RBFOX1: variants seen among roughly 807,000 people sequenced by gnomAD.
The protein encoded by RBFOX1 is RNA binding protein fox-1 homolog 1.
Under a neutral mutation model 57.7 loss-of-function variants are expected in RBFOX1, and 8 were observed. The ratio of observed to expected loss-of-function variants is 0.14; its 90% CI spans 0.08 to 0.25. The LOEUF (loss-of-function observed/expected upper bound fraction) is 0.25, where lower values mean the gene tolerates loss of function less well. Among genes scored for constraint, RBFOX1 ranks in the 10% least tolerant of loss-of-function variants. The pLI, the probability that RBFOX1 is intolerant of heterozygous loss-of-function variation, is 1.00. For missense variants in RBFOX1, 611 were observed against 548.5 expected (o/e 1.11, Z -1.14); for synonymous variants, 326 against 222.4 (o/e 1.47, Z -4.15).
Position 7,672,865 on chromosome 16 carries a change from C to CAAAAAAAAAAAAAAAA in RBFOX1, c.931-3901_931-3886dup, listed in dbSNP as rs56693228. On this transcript the variant is annotated intron_variant, in intron 13 of 15. Transcript: ENST00000550418. The stretch of plus-strand genomic sequence containing the variant: ...CTGGGTGACAGAGAAGACTCCATCT[C>CAAAAAAAAAAAAAAAA]AAAAAAAAAAAAAAAAAAAAAAAGA... Among the ~76,000 whole-genome samples, 93 of 42,872 alleles carry CAAAAAAAAAAAAAAAA rather than the reference C, an allele frequency of 2.2e-3. 12 individuals are homozygous for CAAAAAAAAAAAAAAAA. The highest frequency in any genetic ancestry group is 5.9e-3 in the African/African-American group (43 of 7,318). 28.1% of individuals were successfully genotyped at this position (42,872 alleles called of 152,430 possible). A position where few individuals can be genotyped will look rare whatever the true frequency, so the allele number is the denominator to read the frequency against.
chr16:5,793,728 T>G (rs1488689869), intron 3 of RBFOX1, among the ~76,000 whole-genome samples: 2 of 152,242 alleles, frequency 1.3e-5, no homozygotes, highest in African/African-American at 4.8e-5. Context: ...AGCCTGGATC[T>G]ATGTACATGT....
At chr16:7,571,157 A>G (rs1198165559) in intron 5 of RBFOX1, among the ~76,000 whole-genome samples, 1 of 152,072 alleles carries the variant, frequency 6.6e-6, no homozygotes, top group African/African-American at 2.4e-5. Flanking sequence ...GCAAATCACC[A>G]TGGCACACGT....
chr16:7,236,646 G>T (rs988103550), intron 4 of RBFOX1, among the ~76,000 whole-genome samples: 1 of 152,036 alleles, frequency 6.6e-6, no homozygotes, highest in Non-Finnish European at 1.5e-5. Context: ...AAGTCTATGT[G>T]GCTTTTAGTA....
chr16:6,981,341 C>G (rs769529814), intron 3 of RBFOX1, among the ~76,000 whole-genome samples: 6 of 152,116 alleles, frequency 3.9e-5, no homozygotes, highest in Admixed American at 3.9e-4. Context: ...TTATTTAGCT[C>G]CTACTTTACT....
At chr16:5,737,904 C>G (rs180724575) in intron 3 of RBFOX1, among the ~76,000 whole-genome samples, 3 of 152,036 alleles carry the variant, frequency 2.0e-5, no homozygotes, top group Non-Finnish European at 4.4e-5. Context: ...ATGTGCAGAA[C>G]GTGCAGGTTT....
At chr16:6,705,569 G>A (rs72764933) in intron 3 of RBFOX1, 8,767 of 152,150 alleles carry the variant, frequency 0.058, 302 homozygotes, top group African/African-American at 0.084. Context: ...GGGAAGAAGG[G>A]CTCCTTGGAG....
chr16:6,836,942 C>T (rs1037217956), intron 3 of RBFOX1, among the ~76,000 whole-genome samples: 1 of 152,106 alleles, frequency 6.6e-6, no homozygotes, highest in Non-Finnish European at 1.5e-5. Flanking sequence ...ACTTCCATAT[C>T]AGTAGAAGGG....
At chr16:7,634,800 C>T (rs772463729) in intron 11 of RBFOX1, among the ~76,000 whole-genome samples, 2 of 152,154 alleles carry the variant, frequency 1.3e-5, no homozygotes, top group East Asian at 1.9e-4. Flanking sequence ...CTTACACGTC[C>T]TAATAAACTA....
At chr16:6,142,517 G>A (rs915874279) in intron 1 of RBFOX1, among the ~76,000 whole-genome samples, 1 of 151,632 alleles carries the variant, frequency 6.6e-6, no homozygotes, top group Non-Finnish European at 1.5e-5. Context: ...CACCATGCCT[G>A]GCCAAAAAAA....
At chr16:7,421,818 C>T (rs1489773659) in intron 4 of RBFOX1, among the ~76,000 whole-genome samples, 1 of 152,222 alleles carries the variant, frequency 6.6e-6, no homozygotes, top group Non-Finnish European at 1.5e-5. Context: ...TGATGGGGCA[C>T]TGAATTATAT....
intron 2 of RBFOX1, among the ~76,000 whole-genome samples, chr16:6,560,051 C>A (rs991180244): frequency 6.6e-6 from 1 of 152,100 alleles, no homozygotes; most frequent in Non-Finnish European, 1.5e-5. Context: ...AAATCATCCA[C>A]ACTTTCCCAT....
chr16:7,531,381 A>G (rs1184708852), intron 5 of RBFOX1, among the ~76,000 whole-genome samples: 3 of 152,190 alleles, frequency 2.0e-5, no homozygotes, highest in African/African-American at 4.8e-5. Context: ...TGGTACTACC[A>G]GCTTTCTGTG....
chr16:6,855,518 T>C (rs1057332947), intron 3 of RBFOX1, among the ~76,000 whole-genome samples: 6 of 151,912 alleles, frequency 3.9e-5, no homozygotes, highest in Non-Finnish European at 8.8e-5. Flanking sequence ...CTGGGGGCGA[T>C]GGCAGGTGCC....
At chr16:7,060,777 G>A (rs546076211) in intron 4 of RBFOX1, among the ~76,000 whole-genome samples, 8 of 152,112 alleles carry the variant, frequency 5.3e-5, no homozygotes, top group Non-Finnish European at 1.0e-4. Flanking sequence ...GGCTGTTCCA[G>A]AATTCTCCCC....
chr16:5,919,496 C>T (rs1478860753), intron 4 of RBFOX1, among the ~76,000 whole-genome samples: 1 of 151,896 alleles, frequency 6.6e-6, no homozygotes, highest in East Asian at 1.9e-4. Context: ...GCATGTGCTG[C>T]CAGGCCCGGC....
rs116440111 is a variant in RBFOX1, at chr16:6,006,496, G to A, written c.351+139161G>A. 6.3e-3 allele frequency among the ~76,000 whole-genome samples: 955 copies of A among 152,324 alleles called. 16 individuals are homozygous for A. The highest frequency in any genetic ancestry group is 0.022 in the African/African-American group (922 of 41,554). Reference sequence around the variant, plus strand: ...TGCAGTAACCAGAGAACCTGCCAACGTGGACCATGACACAGAAGAAAGAAA... The same window carrying A: ...TGCAGTAACCAGAGAACCTGCCAACATGGACCATGACACAGAAGAAAGAAA... On this transcript the variant is annotated intron_variant, in intron 4 of 19. Transcript: ENST00000641259.
intron 4 of RBFOX1, among the ~76,000 whole-genome samples, chr16:7,216,966 G>C (rs1447364593): frequency 7.1e-6 from 1 of 141,802 alleles, no homozygotes; most frequent in African/African-American, 2.6e-5. Context: ...ACATTGGTAA[G>C]GAAAAGTACA....
chr16:5,469,595 C>T (rs1490193407), intron 2 of RBFOX1, among the ~76,000 whole-genome samples: 1 of 152,092 alleles, frequency 6.6e-6, no homozygotes, highest in Non-Finnish European at 1.5e-5. Flanking sequence ...TGCCACCATA[C>T]CTTCATGTAG....
chr16:5,908,498 G>T lies in RBFOX1; in HGVS notation c.351+41163G>T, dbSNP rs145285290. On this transcript the variant is annotated intron_variant, in intron 4 of 19. Coordinates refer to the RBFOX1 transcript ENST00000641259. The stretch of plus-strand genomic sequence containing the variant: ...TTCCCAAGTAGCAGGGATTACAGGT[G>T]CCTGCCACCATGCCCGGCTATTTTT... 7.2e-3 allele frequency among the ~76,000 whole-genome samples: 1,090 copies of T among 151,756 alleles called. 15 individuals are homozygous for T. The highest frequency in any genetic ancestry group is 0.025 in the African/African-American group (1,035 of 41,332).
Sources: gnomAD v4.1 joint callset for allele counts (sites outside exome capture counted in the v4.1 genomes callset) on GRCh38, gnomAD v4.1.1 for gene constraint, MANE v1.5 for transcripts, NCBI Gene and HGNC (gene_info 2026-07-23, HGNC 2026-07-21) for gene names.